Variants in ZSCAN18 observed in about 807,000 individuals in gnomAD.
ZSCAN18 encodes zinc finger and SCAN domain-containing protein 18.
A neutral mutation model predicts 31.1 loss-of-function variants in ZSCAN18; 16 were observed. That is an observed-to-expected ratio of 0.51 (90% CI 0.35 to 0.78). The LOEUF (loss-of-function observed/expected upper bound fraction) is 0.78, where lower values mean the gene tolerates loss of function less well. ZSCAN18 is among the 30% of genes least tolerant of loss of function. The pLI is 0.01. For synonymous variants in ZSCAN18, 375 were observed against 320.7 expected (o/e 1.17, Z -1.81); for missense variants, 731 against 697.4 (o/e 1.05, Z -0.54).
In ZSCAN18 at chr19:58,083,872, C is replaced by T. The variant is rs1216448769; in HGVS notation, c.*813G>A. On this transcript the variant is annotated 3_prime_UTR_variant, in exon 7 of 7. Transcript: ENST00000601144. ...CCCAAGGAGTTTAGTCTCCTTTGCT[C>T]AGACAGACAGATCTTTATTAGTGTT... 3 of 152,214 alleles carry T rather than the reference C, an allele frequency of 2.0e-5. No individual in the cohort carries two copies. The highest frequency in any genetic ancestry group is 4.4e-5 in the Non-Finnish European group (3 of 68,036). 9.4% of individuals were successfully genotyped at this position (152,214 alleles called of 1,614,324 possible). A position where few individuals can be genotyped will look rare whatever the true frequency, so the allele number is the denominator to read the frequency against.
chr19:58,093,824 G>A (rs1034638159), intron 1 of ZSCAN18, among the ~76,000 whole-genome samples: 1 of 151,890 alleles, frequency 6.6e-6, no homozygotes, highest in African/African-American at 2.4e-5. Context: ...GGAGTGCTGT[G>A]GCACAATGTC....
chr19:58,102,583 A>G (rs11084534), upstream of ZSCAN18, among the ~76,000 whole-genome samples: 85,341 of 152,064 alleles, frequency 0.56, 25,874 homozygotes, highest in Non-Finnish European at 0.68. Context: ...GACACAGGCT[A>G]TAAGAAAGAA....
upstream of ZSCAN18, among the ~76,000 whole-genome samples, chr19:58,098,948 G>A (rs1410027501): frequency 1.3e-5 from 2 of 152,150 alleles, no homozygotes; most frequent in Non-Finnish European, 2.9e-5. Flanking sequence ...TGAGGGAAAT[G>A]TGAGTGGCAG....
chr19:58,087,521 G>C lies in ZSCAN18; in HGVS notation c.554-117C>G, dbSNP rs2074307605. 11 of 853,656 alleles carry C rather than the reference G, an allele frequency of 1.3e-5. 1 individual carries two copies. The South Asian group carries it at 1.8e-4, about 14-fold the overall frequency. The allele number at this position is 853,656 out of a possible 1,614,324, so 52.9% of individuals were successfully genotyped here. On this transcript the variant is annotated intron_variant, in intron 3 of 6. Transcript: ENST00000601144. ...GCCCCAGTGTGCTTCTGTGACAGCA[G>C]CACCCAAGGCTCAACGGACACTACA...
intron 1 of ZSCAN18, among the ~76,000 whole-genome samples, chr19:58,096,675 G>A (rs1046295562): frequency 7.2e-5 from 11 of 152,124 alleles, no homozygotes; most frequent in Non-Finnish European, 1.5e-4. Flanking sequence ...TCATCGGCAG[G>A]GTCTAGCAAA....
At chr19:58,085,606 C>T in intron 6 of ZSCAN18, 1 of 535,622 alleles carries the variant, frequency 1.9e-6, no homozygotes, top group Middle Eastern at 4.8e-4. Context: ...ACAACGGAGG[C>T]CACCGACAGG....
chr19:58,112,502 T>A (rs2074691784), intron 1 of ZSCAN18, among the ~76,000 whole-genome samples: 1 of 151,192 alleles, frequency 6.6e-6, no homozygotes. Flanking sequence ...TACAAAAAAA[T>A]TAGCTGGGCG....
intron 1 of ZSCAN18, among the ~76,000 whole-genome samples, chr19:58,114,098 T>C (rs2146030613): frequency 6.6e-6 from 1 of 151,602 alleles, no homozygotes; most frequent in East Asian, 1.9e-4. Flanking sequence ...TGAAACCCCA[T>C]CTGTATTAAA....
intron 2 of ZSCAN18, among the ~76,000 whole-genome samples, chr19:58,089,499 G>A (rs2074365784): frequency 6.6e-6 from 1 of 151,974 alleles, no homozygotes; most frequent in South Asian, 2.1e-4. Context: ...CGTGGCAGGC[G>A]CCTGTAATCC....
intron 1 of ZSCAN18, chr19:58,092,647 C>A (rs2074437289): frequency 1.0e-5 from 10 of 972,658 alleles, no homozygotes; most frequent in Non-Finnish European, 1.2e-5. Flanking sequence ...CTGTGGCTAC[C>A]AGAGTTTAAA....
At chr19:58,091,005 C>CA (rs2074399512) in intron 1 of ZSCAN18, among the ~76,000 whole-genome samples, 1 of 151,892 alleles carries the variant, frequency 6.6e-6, no homozygotes, top group African/African-American at 2.4e-5. Flanking sequence ...CGCGGTGGCT[C>CA]ACGCCCATAA....
intron 1 of ZSCAN18, chr19:58,107,696 T>C (rs1427312518): frequency 2.0e-6 from 2 of 988,258 alleles, no homozygotes; most frequent in Non-Finnish European, 2.4e-6. Context: ...ATGAAGTCTC[T>C]GACAAAGAGG....
At chr19:58,097,028 G>T (rs776156586) in intron 1 of ZSCAN18, among the ~76,000 whole-genome samples, 1 of 152,086 alleles carries the variant, frequency 6.6e-6, no homozygotes, top group African/African-American at 2.4e-5. Context: ...ACAGCAACTC[G>T]ATGCGACACG....
rs985655055 is a variant in ZSCAN18 at position 58,087,570 on chromosome 19, C to A, written c.554-166G>T. ...CACCTTTCCCTGATTTACAAAGCAG[C>A]GCGGTGGCCACAGGGCTTGGGTGGC... On this transcript the variant is annotated intron_variant, in intron 3 of 6. Transcript: ENST00000601144. 1.1e-5 allele frequency: 7 copies of A among 620,746 alleles called. No individual in the cohort carries two copies. The African/African-American group carries it at 1.3e-4, about 11-fold the overall frequency. The allele number at this position is 620,746 out of a possible 1,614,324, so 38.5% of individuals were successfully genotyped here.
At chr19:58,110,790 T>G (rs2146026277) in intron 1 of ZSCAN18, among the ~76,000 whole-genome samples, 1 of 152,352 alleles carries the variant, frequency 6.6e-6, no homozygotes, top group South Asian at 2.1e-4. Context: ...AGTGGATGAC[T>G]CACTGAGTCT....
chr19:58,103,542 CA>C (rs1376083532), intron 1 of ZSCAN18, among the ~76,000 whole-genome samples: 4 of 152,218 alleles, frequency 2.6e-5, no homozygotes, highest in Non-Finnish European at 5.9e-5. Flanking sequence ...TGAAAGGAAC[CA>C]CGCCTATATA....
At chr19:58,102,788 A>AT (rs2074605985), upstream of ZSCAN18, among the ~76,000 whole-genome samples, 1 of 152,112 alleles carries the variant, frequency 6.6e-6, no homozygotes, top group Admixed American at 6.6e-5. Context: ...CTCTTATTTC[A>AT]TTGATTCCAA....
At chr19:58,109,146 A>G (rs2074658907) in intron 1 of ZSCAN18, 8 of 1,229,866 alleles carry the variant, frequency 6.5e-6, no homozygotes, top group African/African-American at 1.6e-5. Flanking sequence ...CTGGATTTCT[A>G]TGGAGCATTT....
intron 1 of ZSCAN18, among the ~76,000 whole-genome samples, chr19:58,109,920 G>T (rs1018239060): frequency 6.6e-6 from 1 of 152,130 alleles, no homozygotes; most frequent in African/African-American, 2.4e-5. Flanking sequence ...TAGATATTAT[G>T]ATTTTTAAAA....
Sources: allele counts gnomAD v4.1 joint callset (sites outside exome capture counted in the v4.1 genomes callset), GRCh38; gene constraint gnomAD v4.1.1; transcripts MANE v1.5; gene names NCBI Gene and HGNC (gene_info 2026-07-23, HGNC 2026-07-21).